Variants in SCARA3 observed in about 807,000 individuals in gnomAD.
SCARA3 encodes cellular stress response gene protein.
Under a neutral mutation model 47.0 loss-of-function variants are expected in SCARA3, and 39 were observed. The ratio of observed to expected loss-of-function variants is 0.83; its 90% CI spans 0.64 to 1.08. The LOEUF (loss-of-function observed/expected upper bound fraction) is 1.08. Ranked by LOEUF, SCARA3 falls within the 50% of genes least tolerant of loss-of-function variation. The pLI, the probability that SCARA3 is intolerant of heterozygous loss-of-function variation, is 0.00. For synonymous variants in SCARA3, 356 were observed against 334.1 expected (o/e 1.07, Z -0.71); for missense variants, 724 against 792.3 (o/e 0.91, Z 1.04).
At chr8:27,717,351 A>G in the SCARA3 span, among the ~76,000 whole-genome samples, 1 of 152,326 alleles carries the variant, frequency 6.6e-6, no homozygotes, top group East Asian at 1.9e-4. Context: ...CATGAGAACG[A>G]CACCAACGAA....
chr8:27,675,016 C>T (rs1444692507), downstream of SCARA3, among the ~76,000 whole-genome samples: 1 of 152,146 alleles, frequency 6.6e-6, no homozygotes, highest in African/African-American at 2.4e-5. Flanking sequence ...CGTGAGCCAC[C>T]GTGCCAGGCT....
At chr8:27,675,174 G>T (rs1563416647), downstream of SCARA3, among the ~76,000 whole-genome samples, 1 of 152,314 alleles carries the variant, frequency 6.6e-6, no homozygotes, top group East Asian at 1.9e-4. Context: ...AGGACAGGGG[G>T]CTGGGCAAGC....
At chr8:27,729,667 T>G in the SCARA3 span, among the ~76,000 whole-genome samples, 1 of 151,932 alleles carries the variant, frequency 6.6e-6, no homozygotes, top group Non-Finnish European at 1.5e-5. Flanking sequence ...GGTGGGCGCC[T>G]GTAGTCCCAA....
At chr8:27,669,065 C>T (rs1014752631) in intron 5 of SCARA3, among the ~76,000 whole-genome samples, 7 of 152,006 alleles carry the variant, frequency 4.6e-5, no homozygotes, top group Admixed American at 2.0e-4. Context: ...ACCCAGAAGG[C>T]GAGAGTGGAG....
At chr8:27,707,138 A>G in the SCARA3 span, among the ~76,000 whole-genome samples, 2 of 152,226 alleles carry the variant, frequency 1.3e-5, no homozygotes, top group East Asian at 3.8e-4. Context: ...TCAGTTCTCC[A>G]GCCCCTTCCT....
At chr8:27,722,227 G>A in the SCARA3 span, among the ~76,000 whole-genome samples, 2 of 152,080 alleles carry the variant, frequency 1.3e-5, no homozygotes, top group African/African-American at 2.4e-5. Flanking sequence ...TTTTTCCAAG[G>A]TCTCATACAT....
chr8:27,696,455 T>A, the SCARA3 span, among the ~76,000 whole-genome samples: 1 of 152,080 alleles, frequency 6.6e-6, no homozygotes, highest in South Asian at 2.1e-4. Context: ...TTGTTTTGTT[T>A]TGCTTTTAAA....
intron 3 of SCARA3, 137 bp from the exon 4 acceptor site, chr8:27,656,645 C>T (rs534788179): frequency 2.3e-5 from 15 of 639,984 alleles, no homozygotes; most frequent in South Asian, 5.7e-5. Flanking sequence ...CTTCCCTAAC[C>T]GCCATGAAGA....
chr8:27,705,511 C>A, the SCARA3 span, among the ~76,000 whole-genome samples: 2 of 152,262 alleles, frequency 1.3e-5, no homozygotes, highest in South Asian at 4.1e-4. Context: ...GGCTGTGAAG[C>A]CAGAGGGATC....
At chr8:27,639,124 C>T (rs886962911) in intron 1 of SCARA3, among the ~76,000 whole-genome samples, 2 of 152,184 alleles carry the variant, frequency 1.3e-5, no homozygotes, top group African/African-American at 2.4e-5. Flanking sequence ...TTCCCCTTCA[C>T]CTGAACCCAA....
chr8:27,669,548 GGCTGCTGCCACT>G (rs1312821964), intron 5 of SCARA3, among the ~76,000 whole-genome samples: 2 of 152,366 alleles, frequency 1.3e-5, no homozygotes, highest in East Asian at 3.9e-4. Flanking sequence ...TCTGAGGCCA[GGCTGCTGCCACT>G]GCTGCTGGCC....
chr8:27,651,549 T>G lies in SCARA3; in HGVS notation c.148T>G (p.Ser50Ala). The change falls in exon 3 of 6, where the codon TCT (serine) becomes GCT (alanine). Residue 50 changes from serine (S) to alanine (A), a missense_variant. Transcript: ENST00000301904. ...CTGCAGCCGCTGCCAGAAGAACCTA[T>G]CTTTGCACACATCGGTGCGGATTCT... is the stretch of plus-strand genomic sequence containing the variant. ...PRCSRCQKNLSLHTSVRILYL... is the reference protein window; with the variant it reads ...PRCSRCQKNLALHTSVRILYL... 2 of 1,613,968 alleles carry G rather than the reference T, an allele frequency of 1.2e-6. No individual in the cohort carries two copies. The highest frequency in any genetic ancestry group is 2.7e-5 in the African/African-American group (2 of 75,064).
chr8:27,658,935 G>A lies in SCARA3; in HGVS notation c.765G>A (p.Trp255Ter). ...CCCTCCAGAAGATTGTCACCGACTGGCAGAACTACACACGGCTCTTCAGCG... is the reference window on the plus strand; with the variant it reads ...CCCTCCAGAAGATTGTCACCGACTGACAGAACTACACACGGCTCTTCAGCG... The part of the protein sequence containing the change: ...TLTLQKIVTD[W>*]QNYTRLFSGL... Residue 255 changes from tryptophan (W) to a stop codon, truncating the protein, a stop_gained, in exon 5 of 6, where the codon TGG (tryptophan) becomes TGA (stop). Coordinates refer to ENST00000301904, the MANE Select transcript of SCARA3 (RefSeq NM_016240.3). LOFTEE classifies it high-confidence loss of function. 1 of 1,614,090 alleles carries A rather than the reference G, an allele frequency of 6.2e-7. No homozygotes were observed. Among genetic ancestry groups the A allele is most frequent in the African/African-American group, 1.3e-5 (1 of 75,016 alleles).
At chr8:27,647,137 A>G (rs1055944083) in intron 1 of SCARA3, among the ~76,000 whole-genome samples, 1 of 152,094 alleles carries the variant, frequency 6.6e-6, no homozygotes, top group African/African-American at 2.4e-5. Context: ...GTACACACAC[A>G]TGCACACTCA....
At chr8:27,728,370 A>C in the SCARA3 span, among the ~76,000 whole-genome samples, 1 of 152,178 alleles carries the variant, frequency 6.6e-6, no homozygotes, top group Non-Finnish European at 1.5e-5. Context: ...AGAACCCACA[A>C]ATGGGTGGAA....
downstream of SCARA3, chr8:27,676,622 C>T (rs763088066): frequency 3.0e-6 from 4 of 1,328,064 alleles, no homozygotes; most frequent in Non-Finnish European, 4.4e-6. Context: ...CCATAAAGCC[C>T]AGGATGACCA....
At position 27,659,133 on chromosome 8, in the gene SCARA3, C is replaced by T. The variant is rs147900196; in HGVS notation, c.963C>T (p.His321=). ...ACATCTCGTCCTTCCTGGATGACCACGAAGAGAACATGCATGATCTTCAGT... is the reference window on the plus strand; with the variant it reads ...ACATCTCGTCCTTCCTGGATGACCATGAAGAGAACATGCATGATCTTCAGT... ...LDNISSFLDD[H]EENMHDLQYH... The change falls in exon 5 of 6, where the codon CAC becomes CAT. Residue 321 remains histidine (H), a synonymous_variant. Coordinates refer to ENST00000301904, the MANE Select transcript of SCARA3 (RefSeq NM_016240.3). The T allele has an allele frequency of 3.1e-5, 50 of 1,613,946 alleles. No individual in the cohort carries two copies. The highest frequency in any genetic ancestry group is 3.3e-4 in the Middle Eastern group (2 of 6,084).
At chr8:27,636,755 ACAGGGG>A in intron 1 of SCARA3, among the ~76,000 whole-genome samples, 1 of 152,234 alleles carries the variant, frequency 6.6e-6, no homozygotes, top group South Asian at 2.1e-4. Flanking sequence ...CCATAACATC[ACAGGGG>A]CTGCATGGGC....
At chr8:27,699,756 C>G in the SCARA3 span, among the ~76,000 whole-genome samples, 1 of 151,686 alleles carries the variant, frequency 6.6e-6, no homozygotes, top group Non-Finnish European at 1.5e-5. Context: ...TAGTGAGACC[C>G]CAACTCTACA....
Sources: allele counts gnomAD v4.1 joint callset (sites outside exome capture counted in the v4.1 genomes callset), GRCh38; gene constraint gnomAD v4.1.1; transcripts MANE v1.5; gene names NCBI Gene and HGNC (gene_info 2026-07-23, HGNC 2026-07-21).